The following GDPD4 variants were observed in gnomAD, a reference collection of about 807,000 sequenced individuals.
GDPD4 encodes the protein glycerophosphodiester phosphodiesterase domain containing 4.
Under a neutral mutation model 67.8 loss-of-function variants are expected in GDPD4, and 60 were observed. The ratio of observed to expected loss-of-function variants is 0.88; its 90% CI spans 0.72 to 1.10. The LOEUF (loss-of-function observed/expected upper bound fraction) is 1.10. Among genes scored for constraint, GDPD4 ranks in the 50% least tolerant of loss-of-function variants. The probability of loss-of-function intolerance (pLI) is 0.00; values close to 1 mark genes in which losing one functional copy is unlikely to be tolerated. For missense variants in GDPD4, 623 were observed against 613.9 expected (o/e 1.01, Z -0.16); for synonymous variants, 212 against 210.9 (o/e 1.00, Z -0.04).
At chr11:77,298,753 C>T (rs1190463657) in intron 1 of GDPD4, among the ~76,000 whole-genome samples, 1 of 151,984 alleles carries the variant, frequency 6.6e-6, no homozygotes, top group Admixed American at 6.5e-5. Context: ...TTTACAGATG[C>T]CACGCCCCCA....
intron 3 of GDPD4, among the ~76,000 whole-genome samples, chr11:77,280,506 T>C (rs577971212): frequency 5.9e-5 from 9 of 152,238 alleles, no homozygotes; most frequent in South Asian, 4.2e-4. Context: ...AATTGTGATA[T>C]TGACTTTGCT....
At chr11:77,247,270 A>C (rs1395917671) in intron 11 of GDPD4, among the ~76,000 whole-genome samples, 1 of 152,216 alleles carries the variant, frequency 6.6e-6, no homozygotes, top group Non-Finnish European at 1.5e-5. Flanking sequence ...TCAGAATTCA[A>C]GATTTTGTTA....
At chr11:77,218,013 T>C (rs1958156501) in intron 16 of GDPD4, among the ~76,000 whole-genome samples, 1 of 152,068 alleles carries the variant, frequency 6.6e-6, no homozygotes, top group Non-Finnish European at 1.5e-5. Flanking sequence ...TAAAAGTTTT[T>C]TAGTTGTTAT....
chr11:77,266,612 C>T (rs1375000739), intron 10 of GDPD4, among the ~76,000 whole-genome samples: 2 of 151,976 alleles, frequency 1.3e-5, no homozygotes, highest in South Asian at 2.1e-4. Flanking sequence ...AGGAGATGAC[C>T]GCTCCATGCA....
intron 13 of GDPD4, among the ~76,000 whole-genome samples, chr11:77,235,704 C>T (rs1468735683): frequency 1.3e-5 from 2 of 152,112 alleles, no homozygotes; most frequent in Admixed American, 6.5e-5. Flanking sequence ...CCTATAATCC[C>T]AATGCTTTCG....
chr11:77,266,533 T>G (rs1417471859), intron 10 of GDPD4, among the ~76,000 whole-genome samples: 1 of 152,178 alleles, frequency 6.6e-6, no homozygotes, highest in African/African-American at 2.4e-5. Context: ...TATTATATAT[T>G]TAAAAAATTA....
Position 77,243,682 on chromosome 11 carries a change from TCAAA to T in GDPD4, c.1241+8_1241+11del, listed in dbSNP as rs762616901. The T allele has an allele frequency of 1.2e-6, 2 of 1,607,418 alleles. No individual in the cohort carries two copies. The highest frequency in any genetic ancestry group is 1.1e-5 in the South Asian group (1 of 90,872). ...GCAATATGTGCCAAGAGAGGTGTGGTCAAACACTTACCTTAACCCATTAGGGAAC... is the reference window on the plus strand; with the variant it reads ...GCAATATGTGCCAAGAGAGGTGTGGTCACTTACCTTAACCCATTAGGGAAC... On this transcript the variant is annotated splice_region_variant and intron_variant, in intron 13 of 16. Coordinates refer to ENST00000315938, the MANE Select transcript of GDPD4 (RefSeq NM_182833.3).
chr11:77,223,786 T>G (rs959127310), intron 16 of GDPD4, among the ~76,000 whole-genome samples: 3 of 152,226 alleles, frequency 2.0e-5, no homozygotes, highest in Admixed American at 6.5e-5. Flanking sequence ...TGTTCAGCTA[T>G]GCCCTGCCCC....
At chr11:77,294,268 G>T (rs936246389) in intron 1 of GDPD4, among the ~76,000 whole-genome samples, 3 of 152,114 alleles carry the variant, frequency 2.0e-5, no homozygotes, top group Non-Finnish European at 4.4e-5. Context: ...CTGAAACTGG[G>T]TAAGAGTATA....
chr11:77,269,894 G>A lies in GDPD4; in HGVS notation c.467C>T (p.Thr156Ile). 2 of 1,571,616 alleles carry A rather than the reference G, an allele frequency of 1.3e-6. No homozygotes were observed. Among genetic ancestry groups the A allele is most frequent in the South Asian group, 1.1e-5 (1 of 89,098 alleles). Reference protein sequence around the residue: ...KKRLKQCNVITRLRGLQVPVG... With the variant: ...KKRLKQCNVIIRLRGLQVPVG... ...TCTCCAGCTCTAACCTCTTAACCTT[G>A]TGATTACATTACATTGCTTGAGTCT... is the stretch of plus-strand genomic sequence containing the variant. Residue 156 changes from threonine to isoleucine, a missense_variant, in exon 8 of 17, where the codon ACA becomes ATA. Thr to Ile is a moderately conservative substitution (Grantham distance 89, BLOSUM62 -1). Transcript: ENST00000315938.
intron 10 of GDPD4, among the ~76,000 whole-genome samples, chr11:77,267,224 G>A (rs1351681765): frequency 6.6e-6 from 1 of 152,182 alleles, no homozygotes; most frequent in African/African-American, 2.4e-5. Flanking sequence ...AGAGTAACAG[G>A]TCATACCATA....
chr11:77,271,265 C>CCTA, intron 6 of GDPD4, 30 bp downstream of exon 6: 1 of 1,606,696 alleles, frequency 6.2e-7, no homozygotes, highest in Non-Finnish European at 8.5e-7. Flanking sequence ...ATCTAGACAG[C>CCTA]TAGTGCTGGA....
intron 13 of GDPD4, among the ~76,000 whole-genome samples, chr11:77,234,462 A>AC (rs924503247): frequency 1.3e-5 from 2 of 152,242 alleles, no homozygotes; most frequent in East Asian, 1.9e-4. Context: ...TGAACATAGT[A>AC]CCCCACAGGT....
At chr11:77,249,025 G>C (rs1465965484) in intron 11 of GDPD4, among the ~76,000 whole-genome samples, 1 of 151,500 alleles carries the variant, frequency 6.6e-6, no homozygotes, top group East Asian at 2.0e-4. Context: ...CCAGCACTTT[G>C]GGAGGCCAAG....
Position 77,281,061 on chromosome 11 carries a change from T to C in GDPD4, c.54-1662A>G, listed in dbSNP as rs755832341. Among the ~76,000 whole-genome samples, 13 of 152,218 alleles carry C rather than the reference T, an allele frequency of 8.5e-5. 1 individual carries two copies. Among genetic ancestry groups the C allele is most frequent in the Admixed American group, 2.6e-4 (4 of 15,284 alleles). ...GTTTTCTCTCCGCTCTGGACCATTG[T>C]GTTACATCCCTCTAGCAGCATAATC... On this transcript the variant is annotated intron_variant, in intron 3 of 16. Coordinates refer to ENST00000315938, the MANE Select transcript of GDPD4 (RefSeq NM_182833.3).
intron 11 of GDPD4, 81 bp downstream of exon 11, chr11:77,258,305 A>C (rs1485698910): frequency 6.0e-6 from 8 of 1,329,358 alleles, no homozygotes; most frequent in Non-Finnish European, 7.5e-6. Flanking sequence ...ATCTTCATCT[A>C]TGGCCTTTAT....
At chr11:77,281,880 A>G (rs1959769184) in intron 3 of GDPD4, among the ~76,000 whole-genome samples, 1 of 152,140 alleles carries the variant, frequency 6.6e-6, no homozygotes, top group Non-Finnish European at 1.5e-5. Context: ...CCTCTCCCTA[A>G]CAGTCCTCTT....
intron 11 of GDPD4, among the ~76,000 whole-genome samples, chr11:77,257,764 C>T (rs775627544): frequency 2.8e-4 from 42 of 152,296 alleles, no homozygotes; most frequent in African/African-American, 4.3e-4. Flanking sequence ...CTGCACAGCA[C>T]GTGCTTTATA....
At chr11:77,282,468 A>G (rs926871163) in intron 3 of GDPD4, among the ~76,000 whole-genome samples, 13 of 632 alleles carry the variant, frequency 0.021, no homozygotes, top group Admixed American at 0.15. Context: ...AGCCTGGGCA[A>G]CATGGCGAAA....
Sources: allele counts gnomAD v4.1 joint callset (sites outside exome capture counted in the v4.1 genomes callset), GRCh38; gene constraint gnomAD v4.1.1; transcripts MANE v1.5; gene names NCBI Gene and HGNC (gene_info 2026-07-23, HGNC 2026-07-21).